The following DRC11 variants were observed in gnomAD, a reference collection of about 807,000 sequenced individuals.
DRC11 encodes dynein regulatory complex subunit 11, also known as IQ and AAA domain-containing protein 1.
the DRC11 span, chr2:236,419,141 T>C: frequency 6.6e-7 from 1 of 1,515,982 alleles, no homozygotes; most frequent in Non-Finnish European, 8.8e-7. The surrounding 1 kb of genome is among the most constrained non-coding windows in gnomAD (Gnocchi z 4.8). Flanking sequence ...TTCATACAAA[T>C]ATTTTACCTT....
chr2:236,362,476 T>C, the DRC11 span, among the ~76,000 whole-genome samples: 3 of 152,218 alleles, frequency 2.0e-5, no homozygotes, highest in Non-Finnish European at 4.4e-5. The surrounding 1 kb of genome is among the most constrained non-coding windows in gnomAD (Gnocchi z 5.7). Flanking sequence ...TCTTTATGGT[T>C]TTCTTAATAA....
the DRC11 span, among the ~76,000 whole-genome samples, chr2:236,415,350 T>C: frequency 6.6e-6 from 1 of 152,280 alleles, no homozygotes; most frequent in East Asian, 1.9e-4. This position sits in a 1 kb window ranked among gnomAD's most constrained non-coding sequence, Gnocchi z 5.7. Flanking sequence ...ACACAACTAT[T>C]TTCCTCTCTC....
At chr2:236,391,886 C>A in the DRC11 span, 1 of 1,070,788 alleles carries the variant, frequency 9.3e-7, no homozygotes, top group Non-Finnish European at 1.4e-6. This position sits in a 1 kb window ranked among gnomAD's most constrained non-coding sequence, Gnocchi z 4.5. Context: ...AACAGGCGGC[C>A]CTCCTGGACA....
chr2:236,395,629 T>C, the DRC11 span, among the ~76,000 whole-genome samples: 1 of 152,214 alleles, frequency 6.6e-6, no homozygotes, highest in Admixed American at 6.5e-5. Context: ...AATGTAGGAA[T>C]AACACGTAGT....
the DRC11 span, chr2:236,497,355 C>G: frequency 6.2e-7 from 1 of 1,613,972 alleles, no homozygotes; most frequent in Non-Finnish European, 8.5e-7. This position sits in a 1 kb window ranked among gnomAD's most constrained non-coding sequence, Gnocchi z 5.1. Context: ...TCTGCACATA[C>G]TTTACGTAGA....
chr2:236,361,906 T>A, the DRC11 span, among the ~76,000 whole-genome samples: 1 of 152,124 alleles, frequency 6.6e-6, no homozygotes, highest in Non-Finnish European at 1.5e-5. The surrounding 1 kb of genome is among the most constrained non-coding windows in gnomAD (Gnocchi z 5.7). Flanking sequence ...ATATTGGAAA[T>A]AAAACAGCAT....
chr2:236,388,720 T>TGGA, the DRC11 span, among the ~76,000 whole-genome samples: 2 of 150,642 alleles, frequency 1.3e-5, no homozygotes, highest in African/African-American at 4.9e-5. Context: ...TGCGTTCCTT[T>TGGA]GGAGGAGGAG....
At chr2:236,408,768 A>G in the DRC11 span, 1 of 676,236 alleles carries the variant, frequency 1.5e-6, no homozygotes, top group Non-Finnish European at 2.7e-6. The surrounding 1 kb of genome is among the most constrained non-coding windows in gnomAD (Gnocchi z 5.5). Flanking sequence ...GATGGTCTTG[A>G]AGGTCTGGAG....
At chr2:236,416,923 G>A in the DRC11 span, among the ~76,000 whole-genome samples, 1 of 151,222 alleles carries the variant, frequency 6.6e-6, no homozygotes, top group Non-Finnish European at 1.5e-5. Flanking sequence ...ACAATGCCTG[G>A]CTCATTTTTG....
chr2:236,438,714 G>T, the DRC11 span, among the ~76,000 whole-genome samples: 1 of 151,828 alleles, frequency 6.6e-6, no homozygotes, highest in Non-Finnish European at 1.5e-5. Context: ...TGCACCAAGC[G>T]GACCTAATAG....
At chr2:236,407,315 G>A in the DRC11 span, among the ~76,000 whole-genome samples, 3 of 152,272 alleles carry the variant, frequency 2.0e-5, no homozygotes, top group East Asian at 3.9e-4. Flanking sequence ...TTATGAGTAC[G>A]GTAGTAAGAA....
At chr2:236,357,595 T>A in the DRC11 span, among the ~76,000 whole-genome samples, 48 of 126,594 alleles carry the variant, frequency 3.8e-4, no homozygotes, top group African/African-American at 1.4e-3. Context: ...AAATATGCAT[T>A]TATGTAAATA....
chr2:236,475,098 A>G, the DRC11 span, among the ~76,000 whole-genome samples: 3 of 152,084 alleles, frequency 2.0e-5, no homozygotes, highest in Non-Finnish European at 4.4e-5. This position sits in a 1 kb window ranked among gnomAD's most constrained non-coding sequence, Gnocchi z 4.8. Flanking sequence ...GTATTTTTCT[A>G]CCCATTAATC....
the DRC11 span, among the ~76,000 whole-genome samples, chr2:236,411,013 A>G: frequency 1.4e-5 from 2 of 145,432 alleles, no homozygotes; most frequent in African/African-American, 5.2e-5. Flanking sequence ...AAAACACCAA[A>G]AGCAATGGCA....
At chr2:236,389,723 C>T in the DRC11 span, among the ~76,000 whole-genome samples, 1 of 152,272 alleles carries the variant, frequency 6.6e-6, no homozygotes, top group East Asian at 1.9e-4. Context: ...TTCTAATTTC[C>T]CTGCGAATTT....
the DRC11 span, chr2:236,487,984 A>C: frequency 9.2e-6 from 14 of 1,526,770 alleles, no homozygotes; most frequent in Non-Finnish European, 1.8e-6. Flanking sequence ...CAACTCCAGG[A>C]GCCCTAGGTT....
At chr2:236,409,027 C>A in the DRC11 span, 6 of 638,030 alleles carry the variant, frequency 9.4e-6, no homozygotes, top group South Asian at 6.9e-5. Flanking sequence ...ACTTCCGAGG[C>A]AGGAAGCCGA....
the DRC11 span, among the ~76,000 whole-genome samples, chr2:236,357,861 C>CATATACTATATATATATTTATAA: frequency 8.5e-6 from 1 of 117,944 alleles, no homozygotes; most frequent in Non-Finnish European, 1.6e-5. Flanking sequence ...TAAATATATA[C>CATATACTATATATATATTTATAA]TATATAAATA....
At chr2:236,320,124 C>T in the DRC11 span, among the ~76,000 whole-genome samples, 1 of 152,190 alleles carries the variant, frequency 6.6e-6, no homozygotes, top group Non-Finnish European at 1.5e-5. Context: ...TGTTAGGGGA[C>T]CCTGCACTGA....
Sources: allele counts gnomAD v4.1 joint callset (sites outside exome capture counted in the v4.1 genomes callset), GRCh38; gene constraint gnomAD v4.1.1; non-coding constraint Gnocchi (gnomAD v3.1); transcripts MANE v1.5; gene names NCBI Gene and HGNC (gene_info 2026-07-23, HGNC 2026-07-21).